NAV1: variants seen among roughly 807,000 people sequenced by gnomAD.
NAV1 encodes the protein neuron navigator 1, also known as pore membrane and/or filament interacting like protein 3.
NAV1 carries 18 observed loss-of-function variants against 175.2 expected under a neutral mutation model. The ratio of observed to expected loss-of-function variants is 0.10; its 90% CI spans 0.07 to 0.15. The LOEUF (loss-of-function observed/expected upper bound fraction) is 0.15, where lower values mean the gene tolerates loss of function less well. Ranked by LOEUF, NAV1 falls within the 10% of genes least tolerant of loss-of-function variation. NAV1 has a pLI of 1.00. For synonymous variants in NAV1, 897 were observed against 978.7 expected (o/e 0.92, Z 1.56); for missense variants, 1,731 against 2,436.6 (o/e 0.71, Z 6.10).
At chr1:201,610,034 G>T (rs1435217300) in intron 2 of NAV1, among the ~76,000 whole-genome samples, 2 of 152,148 alleles carry the variant, frequency 1.3e-5, no homozygotes, top group African/African-American at 4.8e-5. Flanking sequence ...GTAGCAGGAG[G>T]TATCCTGGAA....
chr1:201,753,785 G>A (rs1674286768), intron 3 of NAV1, among the ~76,000 whole-genome samples: 1 of 152,188 alleles, frequency 6.6e-6, no homozygotes, highest in Non-Finnish European at 1.5e-5. Flanking sequence ...GAAACACACT[G>A]GGGGTTACAT....
Position 201,738,175 on chromosome 1 carries a change from C to T in NAV1, c.1226+19420C>T, listed in dbSNP as rs188662413. Among the ~76,000 whole-genome samples the T allele has an allele frequency of 2.0e-5, 3 of 151,984 alleles. No homozygotes were observed. The East Asian group carries it at 5.8e-4, about 30-fold the overall frequency. Reference sequence around the variant, plus strand: ...GGTGCATCTTTTCTAAGTCTTACTACCCAAACCTCTTAGAACAGAGTAAAG... The same window carrying T: ...GGTGCATCTTTTCTAAGTCTTACTATCCAAACCTCTTAGAACAGAGTAAAG... On this transcript the variant is annotated intron_variant, in intron 3 of 29. Transcript: ENST00000367296.
At chr1:201,708,181 G>A (rs1671748309) in intron 1 of NAV1, among the ~76,000 whole-genome samples, 2 of 152,130 alleles carry the variant, frequency 1.3e-5, no homozygotes, top group South Asian at 4.2e-4. Context: ...CTCTGCAGAT[G>A]CCCCAGTGCA....
At chr1:201,628,570 T>C (rs546631762) in intron 1 of NAV1, among the ~76,000 whole-genome samples, 1 of 152,268 alleles carries the variant, frequency 6.6e-6, no homozygotes, top group East Asian at 1.9e-4. Context: ...CAGGGTTCCA[T>C]GGCCCAGCCC....
chr1:201,684,589 C>T lies in NAV1; in HGVS notation c.758-28228C>T, dbSNP rs189367329. On this transcript the variant is annotated intron_variant, in intron 1 of 29. Coordinates refer to ENST00000367296, the Ensembl canonical transcript of NAV1. ...TCCCAGGTTCAAGCGATTCTCCTGC[C>T]TCAGCCTCCTGAGTAGCTGGGATTA... Among the ~76,000 whole-genome samples, 641 of 151,360 alleles carry T rather than the reference C, an allele frequency of 4.2e-3. 3 individuals carry two copies. Among genetic ancestry groups the T allele is most frequent in the Admixed American group, 7.0e-3 (106 of 15,216 alleles).
At chr1:201,668,273 G>C (rs369661744) in intron 1 of NAV1, among the ~76,000 whole-genome samples, 1 of 152,128 alleles carries the variant, frequency 6.6e-6, no homozygotes, top group Admixed American at 6.5e-5. Flanking sequence ...CAGCTTCCTG[G>C]CACCCCTAAT....
chr1:201,721,717 T>C (rs1672393135), intron 3 of NAV1, among the ~76,000 whole-genome samples: 1 of 152,196 alleles, frequency 6.6e-6, no homozygotes, highest in African/African-American at 2.4e-5. Context: ...CAATTTACTT[T>C]CCCACCTCCC....
intron 3 of NAV1, among the ~76,000 whole-genome samples, chr1:201,770,528 C>T (rs1363133197): frequency 6.6e-6 from 1 of 152,160 alleles, no homozygotes; most frequent in Non-Finnish European, 1.5e-5. Context: ...AAGCAACAAA[C>T]ATAACTTTTT....
rs1673336217 is a variant in NAV1 at position 201,740,360 on chromosome 1, A to T, written c.1226+21605A>T. Among the ~76,000 whole-genome samples, 1 of 152,186 alleles carries T rather than the reference A, an allele frequency of 6.6e-6. No homozygotes were observed. Among genetic ancestry groups the T allele is most frequent in the African/African-American group, 2.4e-5 (1 of 41,440 alleles). On this transcript the variant is annotated intron_variant, in intron 3 of 29. Transcript: ENST00000367296. The surrounding 1 kb of genome is among the most constrained non-coding windows in gnomAD (Gnocchi z 4.7). ...CTCTAGGGAGTGGAAAGGGAAGGAA[A>T]GGAGCTTAGGCGCCCAGGAGACCTG...
exon 30 of NAV1, chr1:201,823,812 A>C (rs566225612): frequency 1.1e-4 from 16 of 152,322 alleles, no homozygotes; most frequent in African/African-American, 3.6e-4. Flanking sequence ...AGCTCTCTGA[A>C]ACAAGGGTCA....
At chr1:201,771,722 G>A (rs1294147656) in intron 3 of NAV1, among the ~76,000 whole-genome samples, 1 of 151,940 alleles carries the variant, frequency 6.6e-6, no homozygotes, top group Non-Finnish European at 1.5e-5. Context: ...TAAGACTGAG[G>A]GAAAAAATAG....
At chr1:201,742,614 C>T (rs577463080) in intron 3 of NAV1, among the ~76,000 whole-genome samples, 1 of 152,306 alleles carries the variant, frequency 6.6e-6, no homozygotes, top group South Asian at 2.1e-4. Context: ...CACTCCTAGA[C>T]TCCCTCCTGG....
intron 1 of NAV1, among the ~76,000 whole-genome samples, chr1:201,657,517 CT>C (rs1235125426): frequency 6.6e-6 from 1 of 152,170 alleles, no homozygotes. Context: ...CATTTCTCTT[CT>C]TTGGAACAAG....
exon 5 of NAV1, chr1:201,781,129 C>T (rs1373622386): frequency 6.2e-7 from 1 of 1,614,180 alleles, no homozygotes; most frequent in Admixed American, 1.7e-5. Flanking sequence ...GAAGATGGAA[C>T]CTGGGACTTC....
At chr1:201,589,216 C>T (rs1667120673) in intron 2 of NAV1, among the ~76,000 whole-genome samples, 1 of 152,170 alleles carries the variant, frequency 6.6e-6, no homozygotes, top group Non-Finnish European at 1.5e-5. Flanking sequence ...TTCAGCCCCA[C>T]ACTTCTCTAA....
intron 1 of NAV1, among the ~76,000 whole-genome samples, chr1:201,702,996 T>C (rs114206248): frequency 0.019 from 2,866 of 152,250 alleles, 94 homozygotes; most frequent in African/African-American, 0.066. Flanking sequence ...TAGCCAATAC[T>C]AATCTTACTA....
chr1:201,663,918 C>G (rs1052069903), intron 1 of NAV1, among the ~76,000 whole-genome samples: 2 of 152,168 alleles, frequency 1.3e-5, no homozygotes, highest in African/African-American at 4.8e-5. Context: ...TGCCATTTTC[C>G]CACACTCTGC....
At chr1:201,712,962 G>A in intron 2 of NAV1, 43 bp downstream of exon 6, 1 of 1,476,670 alleles carries the variant, frequency 6.8e-7, no homozygotes, top group Non-Finnish European at 9.5e-7. Context: ...CTGCCTTCCT[G>A]GCTCTCCACC....
intron 3 of NAV1, among the ~76,000 whole-genome samples, chr1:201,771,238 C>CAAAAAAA: frequency 1.1e-5 from 1 of 92,698 alleles, no homozygotes; most frequent in Non-Finnish European, 2.1e-5. Context: ...GACTCCGTCT[C>CAAAAAAA]AAAAAAAAAA....
Sources: allele counts gnomAD v4.1 joint callset (sites outside exome capture counted in the v4.1 genomes callset), GRCh38; gene constraint gnomAD v4.1.1; non-coding constraint Gnocchi (gnomAD v3.1); transcripts MANE v1.5; gene names NCBI Gene and HGNC (gene_info 2026-07-23, HGNC 2026-07-21).